Variants in DGAT2 observed in about 807,000 individuals in gnomAD.
DGAT2 encodes acyl-CoA retinol O-fatty-acyltransferase.
Under a neutral mutation model 48.4 loss-of-function variants are expected in DGAT2, and 33 were observed. The observed-to-expected ratio is 0.68, with a 90% confidence interval of 0.52 to 0.91. The LOEUF (loss-of-function observed/expected upper bound fraction) is 0.91, where lower values mean the gene tolerates loss of function less well. Among genes scored for constraint, DGAT2 ranks in the 40% least tolerant of loss-of-function variants. DGAT2 has a pLI of 0.00. For synonymous variants in DGAT2, 191 were observed against 194.1 expected, an observed-to-expected ratio of 0.98 and a Z score of 0.13; for missense variants, 446 against 493.7, an observed-to-expected ratio of 0.90 and a Z score of 0.92.
At chr11:75,788,382 T>G (rs1408354955) in intron 2 of DGAT2, among the ~76,000 whole-genome samples, 2 of 152,230 alleles carry the variant, frequency 1.3e-5, no homozygotes, top group Non-Finnish European at 2.9e-5. Flanking sequence ...CTGCACATGC[T>G]TCCCTAGAAA....
chr11:75,788,181 G>A (rs1046060950), intron 2 of DGAT2, among the ~76,000 whole-genome samples: 1 of 152,200 alleles, frequency 6.6e-6, no homozygotes, highest in African/African-American at 2.4e-5. Context: ...CATCCACCTA[G>A]AGGATGCCAC....
chr11:75,778,833 C>CA (rs746636359), intron 1 of DGAT2, among the ~76,000 whole-genome samples: 5,617 of 67,694 alleles, frequency 0.083, 435 homozygotes, highest in African/African-American at 0.21. Flanking sequence ...GACTCCGTCT[C>CA]AAAAAAAAAA....
At chr11:75,788,262 C>A (rs1224834918) in intron 2 of DGAT2, among the ~76,000 whole-genome samples, 3 of 152,184 alleles carry the variant, frequency 2.0e-5, no homozygotes, top group Non-Finnish European at 4.4e-5. Context: ...GAAAGGGAAT[C>A]AGGCAGACTG....
intron 2 of DGAT2, among the ~76,000 whole-genome samples, chr11:75,788,329 A>G (rs962852221): frequency 5.9e-5 from 9 of 152,172 alleles, no homozygotes; most frequent in Admixed American, 3.3e-4. Flanking sequence ...TCACCAAGCT[A>G]CCGTAAGCTT....
At chr11:75,786,836 C>T (rs1944927785) in intron 2 of DGAT2, among the ~76,000 whole-genome samples, 1 of 151,896 alleles carries the variant, frequency 6.6e-6, no homozygotes. Context: ...TGCCATGGAA[C>T]CCTCTGTCAT....
At chr11:75,788,461 T>C (rs1315500361) in intron 2 of DGAT2, among the ~76,000 whole-genome samples, 1 of 152,202 alleles carries the variant, frequency 6.6e-6, no homozygotes, top group Non-Finnish European at 1.5e-5. Flanking sequence ...CGTCACTCTG[T>C]ATTCACTGTT....
chr11:75,790,570 C>T, intron 3 of DGAT2, 91 bp from the exon 4 acceptor site: 1 of 1,208,712 alleles, frequency 8.3e-7, no homozygotes. Flanking sequence ...GGGTGATGGT[C>T]ACCTGCTTGG....
chr11:75,773,959 C>G (rs944865993), intron 1 of DGAT2: 1 of 152,270 alleles, frequency 6.6e-6, no homozygotes, highest in African/African-American at 2.4e-5. Flanking sequence ...TAAATAGAGG[C>G]ATGAGATTTG....
At position 75,800,683 on chromosome 11, in the gene DGAT2, C is replaced by A; in HGVS notation, c.*175C>A. On this transcript the variant is annotated 3_prime_UTR_variant, in exon 8 of 8. Transcript: ENST00000228027. ...AAGGAAAAAGTCAGTATTTCAAGTT[C>A]TTTCACTTCCAGCTTGCCCTGTTCT... 2 of 844,442 alleles carry A rather than the reference C, an allele frequency of 2.4e-6. No homozygotes were observed. Among genetic ancestry groups the A allele is most frequent in the East Asian group, 2.8e-5 (1 of 35,510 alleles). The allele number at this position is 844,442 out of a possible 1,614,324, so 52.3% of individuals were successfully genotyped here. A position where few individuals can be genotyped will look rare whatever the true frequency, so the allele number is the denominator to read the frequency against.
At chr11:75,799,037 T>C (rs1314667552) in intron 7 of DGAT2, among the ~76,000 whole-genome samples, 2 of 152,200 alleles carry the variant, frequency 1.3e-5, no homozygotes, top group African/African-American at 4.8e-5. Flanking sequence ...TCTAAAGAAT[T>C]ACCTATTGTA....
At position 75,784,705 on chromosome 11, in the gene DGAT2, TC is replaced by T. The variant is rs1002559853; in HGVS notation, c.210del (p.Ile71SerfsTer75). 21 of 1,613,944 alleles carry T rather than the reference TC, an allele frequency of 1.3e-5. No individual in the cohort carries two copies. The Admixed American group carries it at 2.5e-4, about 19-fold the overall frequency. ...NRSKVEKQLQVISVLQWVLSF... is the reference protein window; with the variant it reads ...NRSKVEKQLQXISVLQWVLSF... The stretch of plus-strand genomic sequence containing the variant: ...TCCAAGGTGGAAAAGCAGCTACAGG[TC>T]ATCTCAGTGCTCCAGTGGGTCCTGT... On this transcript the variant is annotated frameshift_variant, in exon 2 of 8. Transcript: ENST00000228027. LOFTEE classifies it high-confidence loss of function.
Position 75,797,225 on chromosome 11 carries a change from C to T in DGAT2, c.702C>T (p.Ile234=). 1 of 1,581,124 alleles carries T rather than the reference C, an allele frequency of 6.3e-7. No homozygotes were observed. The highest frequency in any genetic ancestry group is 8.6e-7 in the Non-Finnish European group (1 of 1,163,088). ...LLSKNGSGNA[I]IIVVGGAAES... ...CAAAGAATGGGAGTGGCAATGCTAT[C>T]ATCATCGTGGTCGGGGGTGCGGCTG... Residue 234 remains isoleucine, a synonymous_variant, in exon 6 of 8, where the codon ATC becomes ATT. Coordinates refer to ENST00000228027, the MANE Select transcript of DGAT2 (RefSeq NM_032564.5).
chr11:75,790,866 G>C (rs930619094), intron 4 of DGAT2, 135 bp downstream of exon 4: 5 of 858,350 alleles, frequency 5.8e-6, no homozygotes, highest in Admixed American at 4.0e-5. Flanking sequence ...GTCACTGGCT[G>C]TGCTGGGGAC....
intron 4 of DGAT2, chr11:75,793,928 T>C (rs1424995325): frequency 1.3e-5 from 2 of 152,210 alleles, no homozygotes; most frequent in East Asian, 1.9e-4. Flanking sequence ...TTAACAGAGC[T>C]CATGTAAACG....
rs1425567898 is a variant in DGAT2, at chr11:75,790,664, G to A, written c.362G>A (p.Gly121Asp). Residue 121 changes from glycine to aspartate, a missense_variant, in exon 4 of 8, where the codon GGC becomes GAC. Coordinates refer to ENST00000228027, the MANE Select transcript of DGAT2 (RefSeq NM_032564.5). The part of the protein sequence containing the change: ...VFDWNTPKKG[G>D]RRSQWVRNWA... ...TCTGTATTTTATTCCCTGGAAGGTGGCAGGAGGTCACAGTGGGTCCGAAAC... is the reference window on the plus strand; with the variant it reads ...TCTGTATTTTATTCCCTGGAAGGTGACAGGAGGTCACAGTGGGTCCGAAAC... 1 of 1,614,110 alleles carries A rather than the reference G, an allele frequency of 6.2e-7. No individual in the cohort carries two copies. Among genetic ancestry groups the A allele is most frequent in the East Asian group, 2.2e-5 (1 of 44,878 alleles).
At chr11:75,788,935 C>CT (rs753287335) in intron 2 of DGAT2, among the ~76,000 whole-genome samples, 3 of 152,140 alleles carry the variant, frequency 2.0e-5, no homozygotes, top group Non-Finnish European at 2.9e-5. Flanking sequence ...GAGCTGAGGT[C>CT]TGAGATAGGC....
At chr11:75,799,611 A>ATT (rs926223340) in intron 7 of DGAT2, among the ~76,000 whole-genome samples, 2 of 143,214 alleles carry the variant, frequency 1.4e-5, no homozygotes, top group Non-Finnish European at 1.5e-5. Flanking sequence ...CACACTTTTT[A>ATT]TTTTTTTTTT....
At chr11:75,784,438 CA>C (rs1364345422) in intron 1 of DGAT2, 179 bp from the exon 2 acceptor site, 3 of 712,906 alleles carry the variant, frequency 4.2e-6, no homozygotes, top group Non-Finnish European at 6.6e-6. Flanking sequence ...AGCATGCAGA[CA>C]GCCCAGAGTT....
chr11:75,800,802 G>T lies in DGAT2; in HGVS notation c.*294G>T. ...ACAAAGGAAACTCAGTCTTCTTGGG[G>T]AAGAAGGATTGCCATTAGTGACTTG... On this transcript the variant is annotated 3_prime_UTR_variant, in exon 8 of 8. Coordinates refer to ENST00000228027, the MANE Select transcript of DGAT2 (RefSeq NM_032564.5). 2.9e-6 allele frequency: 1 copy of T among 343,774 alleles called. No homozygotes were observed. The highest frequency in any genetic ancestry group is 5.4e-6 in the Non-Finnish European group (1 of 185,282). 21.3% of individuals were successfully genotyped at this position (343,774 alleles called of 1,614,324 possible).
Sources: allele counts gnomAD v4.1 joint callset (sites outside exome capture counted in the v4.1 genomes callset), GRCh38; gene constraint gnomAD v4.1.1; transcripts MANE v1.5; gene names NCBI Gene and HGNC (gene_info 2026-07-23, HGNC 2026-07-21).